SOX5: variants seen among roughly 807,000 people sequenced by gnomAD.
SOX5 encodes SRY-box transcription factor 5.
Under a neutral mutation model 92.0 loss-of-function variants are expected in SOX5, and 9 were observed. The observed-to-expected ratio is 0.10, with a 90% CI of 0.06 to 0.17. The LOEUF (loss-of-function observed/expected upper bound fraction) is 0.17, where lower values mean the gene tolerates loss of function less well. Among genes scored for constraint, SOX5 ranks in the 10% least tolerant of loss-of-function variants. SOX5 has a pLI of 1.00. For synonymous variants in SOX5, 344 were observed against 336.3 expected (o/e 1.02, Z -0.25); for missense variants, 642 against 944.5 (o/e 0.68, Z 4.20).
At chr12:23,688,954 C>A (rs1232122196) in intron 6 of SOX5, among the ~76,000 whole-genome samples, 4 of 152,052 alleles carry the variant, frequency 2.6e-5, no homozygotes, top group African/African-American at 7.2e-5. Context: ...TTTTGTACAA[C>A]TTTTCCCATC....
chr12:23,773,868 T>TA, intron 3 of SOX5, among the ~76,000 whole-genome samples: 1 of 152,276 alleles, frequency 6.6e-6, no homozygotes, highest in South Asian at 2.1e-4. Context: ...TGCAGGTTGC[T>TA]AAATAAATCA....
In SOX5 at chr12:23,818,842, C is replaced by G. The variant is rs1259008608; in HGVS notation, c.481+27141G>C. Among the ~76,000 whole-genome samples the G allele has an allele frequency of 2.6e-5, 4 of 152,086 alleles. No homozygotes were observed. The East Asian group carries it at 7.7e-4, about 29-fold the overall frequency. The stretch of plus-strand genomic sequence containing the variant: ...TTTTTGTTAAACACTAAGAAACAAA[C>G]ACACAGGGACTACACGGGGCCAGAA... On this transcript the variant is annotated intron_variant, in intron 3 of 14. Coordinates refer to ENST00000451604, the MANE Select transcript of SOX5 (RefSeq NM_006940.6).
chr12:23,554,552 TA>T (rs1365575857), intron 11 of SOX5, among the ~76,000 whole-genome samples: 1 of 152,120 alleles, frequency 6.6e-6, no homozygotes, highest in East Asian at 1.9e-4. Context: ...AATCTCAAGT[TA>T]AAAAATTGTT....
chr12:23,774,707 G>C (rs1013635611), intron 3 of SOX5, among the ~76,000 whole-genome samples: 5 of 152,000 alleles, frequency 3.3e-5, no homozygotes, highest in Admixed American at 2.0e-4. Flanking sequence ...CTAAGCAAAA[G>C]AGCAATTGTG....
intron 1 of SOX5, among the ~76,000 whole-genome samples, chr12:23,912,434 A>G (rs1481306114): frequency 6.6e-6 from 1 of 152,206 alleles, no homozygotes; most frequent in Non-Finnish European, 1.5e-5. Flanking sequence ...TTTCAAAAAC[A>G]GTTTGCAGTT....
chr12:24,207,232 C>A (rs546132193), intron 4 of SOX5, among the ~76,000 whole-genome samples: 1 of 152,344 alleles, frequency 6.6e-6, no homozygotes, highest in Admixed American at 6.5e-5. Flanking sequence ...TTCGCCATCA[C>A]TTCCTTTTGG....
intron 9 of SOX5, among the ~76,000 whole-genome samples, chr12:23,577,662 A>G (rs1168728151): frequency 6.6e-6 from 1 of 152,104 alleles, no homozygotes; most frequent in African/African-American, 2.4e-5. Context: ...TTGAAAATTC[A>G]TGAGACAATT....
intron 2 of SOX5, among the ~76,000 whole-genome samples, chr12:23,884,003 G>C (rs968803106): frequency 6.6e-6 from 1 of 151,786 alleles, no homozygotes; most frequent in Admixed American, 6.6e-5. Flanking sequence ...TTTTCTTATA[G>C]GTTACTTAAA....
chr12:23,758,267 T>C (rs960828625), intron 3 of SOX5, among the ~76,000 whole-genome samples: 9 of 151,924 alleles, frequency 5.9e-5, no homozygotes, highest in African/African-American at 1.9e-4. Flanking sequence ...AATGAAGACT[T>C]AGATCATGTA....
chr12:23,728,690 A>G (rs1222123230), intron 6 of SOX5, among the ~76,000 whole-genome samples: 2 of 152,304 alleles, frequency 1.3e-5, no homozygotes, highest in East Asian at 1.9e-4. Flanking sequence ...TCAATTGTAT[A>G]TAAGTCAAGT....
At chr12:24,435,926 T>C (rs1373668169) in intron 1 of SOX5, among the ~76,000 whole-genome samples, 1 of 152,166 alleles carries the variant, frequency 6.6e-6, no homozygotes, top group Non-Finnish European at 1.5e-5. Flanking sequence ...ATGTGTGATA[T>C]GGGGGCCAAG....
intron 2 of SOX5, among the ~76,000 whole-genome samples, chr12:24,327,861 TA>T (rs1950893853): frequency 6.6e-6 from 1 of 150,734 alleles, no homozygotes; most frequent in Non-Finnish European, 1.5e-5. Context: ...CATAATTTCG[TA>T]TTTTTTTTTT....
chr12:23,798,166 A>C (rs2095598695), intron 3 of SOX5, among the ~76,000 whole-genome samples: 1 of 151,830 alleles, frequency 6.6e-6, no homozygotes, highest in Non-Finnish European at 1.5e-5. Context: ...TTATATTTTT[A>C]ATCTGATTAC....
At chr12:23,909,391 G>C (rs1595563303) in intron 1 of SOX5, among the ~76,000 whole-genome samples, 1 of 152,034 alleles carries the variant, frequency 6.6e-6, no homozygotes, top group African/African-American at 2.4e-5. Flanking sequence ...TCATTTGTTA[G>C]AATATAGCCA....
chr12:24,057,522 G>A (rs1037485357), intron 4 of SOX5, among the ~76,000 whole-genome samples: 1 of 152,112 alleles, frequency 6.6e-6, no homozygotes, highest in South Asian at 2.1e-4. Flanking sequence ...TCTACATGAT[G>A]TAATCGTTTT....
intron 1 of SOX5, among the ~76,000 whole-genome samples, chr12:24,463,537 C>G (rs1213559228): frequency 6.6e-6 from 1 of 152,150 alleles, no homozygotes; most frequent in East Asian, 1.9e-4. Context: ...CAGATTTTAT[C>G]TAACTAATAA....
At chr12:24,454,810 G>C (rs1942802042) in intron 1 of SOX5, among the ~76,000 whole-genome samples, 1 of 151,946 alleles carries the variant, frequency 6.6e-6, no homozygotes, top group Non-Finnish European at 1.5e-5. Context: ...TCATGACATA[G>C]GTTAAAAGTC....
At chr12:23,918,299 G>A (rs1408313692) in intron 1 of SOX5, among the ~76,000 whole-genome samples, 1 of 152,076 alleles carries the variant, frequency 6.6e-6, no homozygotes, top group African/African-American at 2.4e-5. Context: ...TAAAGGACAT[G>A]GTTCCTAGAG....
chr12:23,879,194 A>G (rs541525771), intron 2 of SOX5, among the ~76,000 whole-genome samples: 298 of 152,308 alleles, frequency 2.0e-3, no homozygotes, highest in South Asian at 6.0e-3. Context: ...TGATAACACC[A>G]TATCAACTTA....
Sources: gnomAD v4.1 joint callset for allele counts (sites outside exome capture counted in the v4.1 genomes callset) on GRCh38, gnomAD v4.1.1 for gene constraint, MANE v1.5 for transcripts, NCBI Gene and HGNC (gene_info 2026-07-23, HGNC 2026-07-21) for gene names.